PDE1A: variants seen among roughly 807,000 people sequenced by gnomAD.
PDE1A encodes the protein dual specificity calcium/calmodulin-dependent 3',5'-cyclic nucleotide phosphodiesterase 1A.
A neutral mutation model predicts 61.7 loss-of-function variants in PDE1A; 35 were observed. That is an observed-to-expected ratio of 0.57 (90% CI 0.43 to 0.75). The LOEUF (loss-of-function observed/expected upper bound fraction) is 0.75. Ranked by LOEUF, PDE1A falls within the 30% of genes least tolerant of loss-of-function variation. The pLI is 0.00. For synonymous variants in PDE1A, 232 were observed against 213.2 expected, an observed-to-expected ratio of 1.09 and a Z score of -0.77; for missense variants, 597 against 630.6, an observed-to-expected ratio of 0.95 and a Z score of 0.57.
intron 1 of PDE1A, among the ~76,000 whole-genome samples, chr2:182,323,718 G>GC (rs1696854208): frequency 6.6e-6 from 1 of 152,134 alleles, no homozygotes. Flanking sequence ...AGGGCAGGAA[G>GC]CCCCCAGGAA....
chr2:182,345,750 T>C, intron 1 of PDE1A, among the ~76,000 whole-genome samples: 1 of 152,184 alleles, frequency 6.6e-6, no homozygotes, highest in East Asian at 1.9e-4. Flanking sequence ...TTCAAGTCTT[T>C]GCTCCATCTC....
At chr2:182,564,328 G>A in the PDE1A span, among the ~76,000 whole-genome samples, 1 of 152,104 alleles carries the variant, frequency 6.6e-6, no homozygotes, top group African/African-American at 2.4e-5. Flanking sequence ...TAGTTTGGCT[G>A]GATATGAACT....
intron 2 of PDE1A, among the ~76,000 whole-genome samples, chr2:182,435,064 A>T (rs1338964423): frequency 1.3e-5 from 2 of 151,954 alleles, no homozygotes; most frequent in Non-Finnish European, 2.9e-5. Context: ...ATTGGCTCCA[A>T]TTAGCACTCC....
intron 1 of PDE1A, among the ~76,000 whole-genome samples, chr2:182,310,871 T>TG: frequency 6.6e-6 from 1 of 152,236 alleles, no homozygotes; most frequent in South Asian, 2.1e-4. Flanking sequence ...GACCATGTTC[T>TG]GGCCAATAGA....
chr2:182,409,666 G>C (rs1311334061), intron 1 of PDE1A, among the ~76,000 whole-genome samples: 2 of 152,170 alleles, frequency 1.3e-5, no homozygotes, highest in African/African-American at 4.8e-5. Flanking sequence ...CATAGCAATT[G>C]AATGAATGGG....
the PDE1A span, among the ~76,000 whole-genome samples, chr2:182,704,996 G>A: frequency 0.69 from 104,436 of 152,094 alleles, 36,493 homozygotes; most frequent in African/African-American, 0.8. Context: ...TATTTTTTTT[G>A]ATTCTTAGAT....
At chr2:182,577,931 C>CGGAG in the PDE1A span, among the ~76,000 whole-genome samples, 13 of 82,200 alleles carry the variant, frequency 1.6e-4, no homozygotes, top group Non-Finnish European at 2.5e-4. Flanking sequence ...AGAAAGAAAA[C>CGGAG]GGAAGGAAGG....
the PDE1A span, among the ~76,000 whole-genome samples, chr2:182,674,079 T>C: frequency 6.6e-6 from 1 of 151,434 alleles, no homozygotes; most frequent in African/African-American, 2.4e-5. Context: ...GCCCTGCTTT[T>C]ATGGATGATA....
At chr2:182,581,287 T>A in the PDE1A span, among the ~76,000 whole-genome samples, 97 of 152,318 alleles carry the variant, frequency 6.4e-4, no homozygotes, top group African/African-American at 2.3e-3. Context: ...ACAGGTTTAA[T>A]TCTTCAAGTG....
At chr2:182,417,514 G>A (rs578014170) in intron 1 of PDE1A, among the ~76,000 whole-genome samples, 4 of 152,184 alleles carry the variant, frequency 2.6e-5, no homozygotes, top group African/African-American at 9.6e-5. Flanking sequence ...TGAAGTTCAT[G>A]GTAGTTTGTC....
At chr2:182,217,917 G>A (rs1278605527) in intron 7 of PDE1A, among the ~76,000 whole-genome samples, 1 of 151,882 alleles carries the variant, frequency 6.6e-6, no homozygotes, top group Non-Finnish European at 1.5e-5. Context: ...TCCCATTACT[G>A]GGTATATACC....
the PDE1A span, among the ~76,000 whole-genome samples, chr2:182,576,802 G>A: frequency 6.6e-6 from 1 of 152,142 alleles, no homozygotes; most frequent in Non-Finnish European, 1.5e-5. Context: ...CCAGTAGATA[G>A]AAGATGGTAT....
intron 3 of PDE1A, among the ~76,000 whole-genome samples, chr2:182,234,967 A>C (rs1689890814): frequency 6.6e-6 from 1 of 152,206 alleles, no homozygotes; most frequent in African/African-American, 2.4e-5. Flanking sequence ...CAGAATTTAC[A>C]TAGGTCCCCC....
chr2:182,240,273 C>A, exon 3 of PDE1A: 2 of 1,595,486 alleles, frequency 1.3e-6, no homozygotes, highest in South Asian at 1.2e-5. Flanking sequence ...CTGAGCTCAT[C>A]TTCAGTATCC....
At chr2:182,551,375 G>A in the PDE1A span, among the ~76,000 whole-genome samples, 8 of 152,138 alleles carry the variant, frequency 5.3e-5, no homozygotes, top group Admixed American at 2.0e-4. Flanking sequence ...AGCTAAAATC[G>A]GAGCGAAGTG....
At chr2:182,484,816 C>T (rs3940474) in intron 2 of PDE1A, among the ~76,000 whole-genome samples, 111,400 of 151,888 alleles carry the variant, frequency 0.73, 41,205 homozygotes, top group East Asian at 0.95. Context: ...CGCAATGAGA[C>T]ACCATCTCAC....
At chr2:182,705,825 C>A in the PDE1A span, among the ~76,000 whole-genome samples, 1 of 152,116 alleles carries the variant, frequency 6.6e-6, no homozygotes, top group Non-Finnish European at 1.5e-5. Context: ...AGGGCTAAGT[C>A]TTTAAAAACA....
chr2:182,373,911 A>G (rs868011709), intron 1 of PDE1A, among the ~76,000 whole-genome samples: 2 of 152,228 alleles, frequency 1.3e-5, no homozygotes. Context: ...GAGTTGCCAA[A>G]TCATGTGCAA....
At chr2:182,542,053 T>G in the PDE1A span, among the ~76,000 whole-genome samples, 1 of 152,106 alleles carries the variant, frequency 6.6e-6, no homozygotes, top group Admixed American at 6.6e-5. Flanking sequence ...TTTAGAAACA[T>G]TTGCTGAAAA....
Sources: allele counts gnomAD v4.1 joint callset (sites outside exome capture counted in the v4.1 genomes callset), GRCh38; gene constraint gnomAD v4.1.1; transcripts MANE v1.5; gene names NCBI Gene and HGNC (gene_info 2026-07-23, HGNC 2026-07-21).